NSRP1: variants seen among roughly 807,000 people sequenced by gnomAD.
NSRP1 encodes coiled-coil domain containing 55.
NSRP1 carries 24 observed loss-of-function variants against 54.7 expected under a neutral mutation model. That is an observed-to-expected ratio of 0.44 (90% CI 0.32 to 0.62). The LOEUF (loss-of-function observed/expected upper bound fraction) is 0.62. Among genes scored for constraint, NSRP1 ranks in the 20% least tolerant of loss-of-function variants. NSRP1 has a pLI of 0.06. For missense variants in NSRP1, 596 were observed against 651.2 expected (o/e 0.92, Z 0.92); for synonymous variants, 210 against 213.8 (o/e 0.98, Z 0.15).
intron 2 of NSRP1, among the ~76,000 whole-genome samples, chr17:30,139,655 A>G (rs2071784863): frequency 6.6e-6 from 1 of 151,596 alleles, no homozygotes; most frequent in Admixed American, 6.6e-5. Context: ...CAATGGCTCT[A>G]CAGGTGTGAA....
chr17:30,136,305 T>G (rs1319581021), intron 2 of NSRP1, among the ~76,000 whole-genome samples: 1 of 152,200 alleles, frequency 6.6e-6, no homozygotes, highest in Non-Finnish European at 1.5e-5. Flanking sequence ...TTTTGGACTA[T>G]TCTGTTTCAT....
chr17:30,176,614 C>CA (rs1272653689), intron 3 of NSRP1, among the ~76,000 whole-genome samples: 4 of 121,784 alleles, frequency 3.3e-5, no homozygotes, highest in Admixed American at 1.8e-4. Flanking sequence ...CGTCCCCCCC[C>CA]CCCCAAAAAA....
At chr17:30,166,264 C>T (rs1904728735) in intron 2 of NSRP1, among the ~76,000 whole-genome samples, 2 of 152,142 alleles carry the variant, frequency 1.3e-5, no homozygotes, top group African/African-American at 4.8e-5. Context: ...TCTCCTCATG[C>T]TGTACAGTAT....
rs745914377 is a variant in NSRP1 at position 30,185,179 on chromosome 17, A to T, written c.1182A>T (p.Arg394Ser). The T allele has an allele frequency of 6.3e-7, 1 of 1,575,470 alleles. No homozygotes were observed. The highest frequency in any genetic ancestry group is 2.3e-5 in the East Asian group (1 of 42,610). ...REKYSQREQE[R>S]DRQQNDQNRP... The stretch of plus-strand genomic sequence containing the variant: ...AATATTCCCAAAGAGAACAAGAAAG[A>T]GATAGACAACAAAATGATCAGAACC... Residue 394 changes from arginine to serine, a missense_variant, in exon 7 of 7, where the codon AGA becomes AGT. By Grantham distance (110) the Arg-to-Ser change is moderately radical. Transcript: ENST00000247026.
At chr17:30,162,078 G>C (rs1232286183) in intron 2 of NSRP1, among the ~76,000 whole-genome samples, 1 of 148,138 alleles carries the variant, frequency 6.8e-6, no homozygotes, top group Non-Finnish European at 1.5e-5. Flanking sequence ...CTGGAGTGCA[G>C]TGGCGCAGTC....
chr17:30,181,597 G>GTTTTTT (rs35525133), intron 6 of NSRP1, among the ~76,000 whole-genome samples: 2 of 135,370 alleles, frequency 1.5e-5, no homozygotes, highest in Non-Finnish European at 3.2e-5. Flanking sequence ...TGTGTGTGTG[G>GTTTTTT]TTTTTTTTTT....
intron 6 of NSRP1, among the ~76,000 whole-genome samples, chr17:30,181,674 G>A (rs550053857): frequency 1.5e-4 from 23 of 149,830 alleles, no homozygotes; most frequent in Non-Finnish European, 2.7e-4. Flanking sequence ...GCAATGGCGC[G>A]ATCTCTGCTT....
At chr17:30,176,092 T>A (rs184201347) in intron 3 of NSRP1, among the ~76,000 whole-genome samples, 14 of 136,950 alleles carry the variant, frequency 1.0e-4, no homozygotes, top group African/African-American at 3.7e-4. Flanking sequence ...ACTGTTTTTT[T>A]TTGTTGTTGT....
rs147823054 is a variant in NSRP1 at position 30,160,516 on chromosome 17, A to G, written c.115-12026A>G. Among the ~76,000 whole-genome samples, 526 of 152,146 alleles carry G rather than the reference A, an allele frequency of 3.5e-3. 1 individual carries two copies. Among genetic ancestry groups the G allele is most frequent in the Middle Eastern group, 0.01 (3 of 294 alleles). On this transcript the variant is annotated intron_variant, in intron 2 of 6. Transcript: ENST00000247026. ...AGGTTTTCTGTTTCTTCCTGATTCAATCTTGGTAGGTTTTATGTGTCCAAG... is the reference window on the plus strand; with the variant it reads ...AGGTTTTCTGTTTCTTCCTGATTCAGTCTTGGTAGGTTTTATGTGTCCAAG...
intron 2 of NSRP1, among the ~76,000 whole-genome samples, chr17:30,151,387 C>T (rs1731976969): frequency 6.6e-6 from 1 of 152,104 alleles, no homozygotes; most frequent in African/African-American, 2.4e-5. Flanking sequence ...TGACCAGAAG[C>T]CTCGTTGATA....
chr17:30,140,321 A>G (rs2071791690), intron 2 of NSRP1, among the ~76,000 whole-genome samples: 1 of 152,146 alleles, frequency 6.6e-6, no homozygotes, highest in African/African-American at 2.4e-5. Context: ...TGTGGTAAAT[A>G]TTGACAGCTA....
intron 2 of NSRP1, among the ~76,000 whole-genome samples, chr17:30,140,245 C>T (rs2071790831): frequency 2.6e-5 from 4 of 152,096 alleles, no homozygotes; most frequent in South Asian, 2.1e-4. Context: ...ATAAGAATGT[C>T]GTTAGCATGA....
intron 5 of NSRP1, 30 bp from the exon 6 acceptor site, chr17:30,180,869 TTATTGAATA>T: frequency 8.1e-7 from 1 of 1,236,940 alleles, no homozygotes. Context: ...GCACTGTGCC[TTATTGAATA>T]TATTCTAATT....
intron 3 of NSRP1, 110 bp from the exon 4 acceptor site, chr17:30,177,961 G>A (rs767212584): frequency 7.9e-7 from 1 of 1,261,718 alleles, no homozygotes; most frequent in South Asian, 1.2e-5. Flanking sequence ...AAATGTGATT[G>A]TAATTTTTAT....
intron 2 of NSRP1, among the ~76,000 whole-genome samples, chr17:30,124,329 C>T (rs1411787556): frequency 3.3e-5 from 5 of 152,202 alleles, no homozygotes; most frequent in Admixed American, 3.3e-4. Context: ...GATGGGTTTA[C>T]ACAAGTAATC....
intron 2 of NSRP1, among the ~76,000 whole-genome samples, chr17:30,125,399 T>C (rs1035727733): frequency 6.6e-6 from 1 of 152,238 alleles, no homozygotes; most frequent in Non-Finnish European, 1.5e-5. Context: ...GTTCTTTTTA[T>C]CAATTCAGCA....
chr17:30,128,512 A>G (rs1164433947), intron 2 of NSRP1, among the ~76,000 whole-genome samples: 2 of 152,142 alleles, frequency 1.3e-5, no homozygotes, highest in African/African-American at 2.4e-5. Flanking sequence ...TTGGAAGCAG[A>G]TGGACCTTTT....
intron 3 of NSRP1, among the ~76,000 whole-genome samples, chr17:30,177,040 C>T (rs900312021): frequency 4.0e-5 from 6 of 150,374 alleles, no homozygotes; most frequent in Non-Finnish European, 8.9e-5. Flanking sequence ...AATTTACAAC[C>T]GGGGGCAAAA....
intron 2 of NSRP1, chr17:30,150,269 T>G (rs1382058402): frequency 1.3e-5 from 2 of 151,862 alleles, no homozygotes; most frequent in African/African-American, 2.4e-5. Flanking sequence ...TTAGTAGAGA[T>G]GGGGTTTCAC....
Sources: gnomAD v4.1 joint callset for allele counts (sites outside exome capture counted in the v4.1 genomes callset) on GRCh38, gnomAD v4.1.1 for gene constraint, MANE v1.5 for transcripts, NCBI Gene and HGNC (gene_info 2026-07-23, HGNC 2026-07-21) for gene names.